The following CHST11 variants were observed in gnomAD, a reference collection of about 807,000 sequenced individuals.
The protein encoded by CHST11 is C4S-1.
Under a neutral mutation model 30.4 loss-of-function variants are expected in CHST11, and 9 were observed. The ratio of observed to expected loss-of-function variants is 0.30; its 90% CI spans 0.18 to 0.52. The LOEUF is 0.52. Ranked by LOEUF, CHST11 falls within the 20% of genes least tolerant of loss-of-function variation. CHST11 has a pLI of 0.97. For synonymous variants in CHST11, 152 were observed against 187.8 expected, an observed-to-expected ratio of 0.81 and a Z score of 1.56; for missense variants, 348 against 460.6, an observed-to-expected ratio of 0.76 and a Z score of 2.24.
chr12:104,707,498 C>CA (rs1412711332), intron 2 of CHST11, among the ~76,000 whole-genome samples: 4 of 152,102 alleles, frequency 2.6e-5, no homozygotes, highest in Admixed American at 2.6e-4. Flanking sequence ...ATGTAGTAGT[C>CA]AAAAAATTTG....
intron 2 of CHST11, among the ~76,000 whole-genome samples, chr12:104,706,295 G>A (rs535794293): frequency 2.6e-5 from 4 of 151,776 alleles, no homozygotes; most frequent in East Asian, 3.9e-4. Context: ...GAGGTAGGAG[G>A]ATTACTTGAA....
intron 2 of CHST11, among the ~76,000 whole-genome samples, chr12:104,738,280 G>C (rs2040318074): frequency 1.3e-5 from 2 of 152,186 alleles, no homozygotes; most frequent in Non-Finnish European, 2.9e-5. Context: ...GAGGTTCGCA[G>C]AGGTGCCCCG....
At chr12:104,573,332 C>T (rs1228272260) in intron 1 of CHST11, among the ~76,000 whole-genome samples, 4 of 152,136 alleles carry the variant, frequency 2.6e-5, no homozygotes, top group Non-Finnish European at 1.5e-5. Context: ...CTACCAATGA[C>T]TTTCTTCACA....
intron 2 of CHST11, among the ~76,000 whole-genome samples, chr12:104,739,224 G>T (rs1592867679): frequency 6.6e-6 from 1 of 152,222 alleles, no homozygotes; most frequent in Non-Finnish European, 1.5e-5. Flanking sequence ...GCTTCAACCA[G>T]GGGAGGCAGG....
At position 104,600,232 on chromosome 12, in the gene CHST11, A is replaced by G. The variant is rs1050061952; in HGVS notation, c.119-1674A>G. On this transcript the variant is annotated intron_variant, in intron 1 of 2. Transcript: ENST00000303694. This position sits in a 1 kb window ranked among gnomAD's most constrained non-coding sequence, Gnocchi z 4.1. Reference sequence around the variant, plus strand: ...GTAGTTTTTCCTCCGGAGACCTTCCAGATGTCATCAGCTGCTTTTGGATGA... The same window carrying G: ...GTAGTTTTTCCTCCGGAGACCTTCCGGATGTCATCAGCTGCTTTTGGATGA... Among the ~76,000 whole-genome samples, 1 of 152,202 alleles carries G rather than the reference A, an allele frequency of 6.6e-6. No individual in the cohort carries two copies. The highest frequency in any genetic ancestry group is 1.5e-5 in the Non-Finnish European group (1 of 68,038).
intron 1 of CHST11, among the ~76,000 whole-genome samples, chr12:104,462,040 G>A (rs1372714605): frequency 6.6e-6 from 1 of 151,216 alleles, no homozygotes; most frequent in African/African-American, 2.4e-5. Context: ...GGTGGTGCAC[G>A]CCTGTAATCC....
At chr12:104,515,410 G>A (rs1255807381) in intron 1 of CHST11, among the ~76,000 whole-genome samples, 3 of 152,194 alleles carry the variant, frequency 2.0e-5, no homozygotes, top group African/African-American at 2.4e-5. Context: ...GGTGAATCGC[G>A]TTCTACACAG....
intron 2 of CHST11, among the ~76,000 whole-genome samples, chr12:104,658,059 C>G (rs2039562607): frequency 6.6e-6 from 1 of 152,206 alleles, no homozygotes; most frequent in African/African-American, 2.4e-5. Context: ...CAAGGATACT[C>G]AGAGTTTTAC....
chr12:104,582,903 C>T (rs1275736359), intron 1 of CHST11, among the ~76,000 whole-genome samples: 1 of 151,806 alleles, frequency 6.6e-6, no homozygotes, highest in Non-Finnish European at 1.5e-5. Context: ...AAGCTCTGAA[C>T]TGGAACTGTT....
At chr12:104,546,392 C>T (rs1017229659) in intron 1 of CHST11, among the ~76,000 whole-genome samples, 3 of 150,570 alleles carry the variant, frequency 2.0e-5, no homozygotes, top group African/African-American at 7.4e-5. Context: ...CGCTTGAGCC[C>T]AGGAGCTCAA....
chr12:104,736,128 A>G (rs1240846671), intron 2 of CHST11, among the ~76,000 whole-genome samples: 1 of 152,158 alleles, frequency 6.6e-6, no homozygotes, highest in Admixed American at 6.5e-5. Context: ...GGGACATTCC[A>G]TGGGCAATGT....
chr12:104,504,350 C>T (rs375238656), intron 1 of CHST11, among the ~76,000 whole-genome samples: 12 of 152,226 alleles, frequency 7.9e-5, no homozygotes, highest in African/African-American at 2.4e-4. Flanking sequence ...TGGACTCAGG[C>T]GCAGTGGCAT....
intron 1 of CHST11, among the ~76,000 whole-genome samples, chr12:104,562,178 G>C (rs574296400): frequency 6.6e-6 from 1 of 152,046 alleles, no homozygotes; most frequent in South Asian, 2.1e-4. Flanking sequence ...TCATCCACCC[G>C]AAATGGAATT....
chr12:104,756,005 A>G (rs1031431837), intron 2 of CHST11, among the ~76,000 whole-genome samples: 1 of 152,204 alleles, frequency 6.6e-6, no homozygotes, highest in African/African-American at 2.4e-5. Context: ...AGGCCAGTGT[A>G]TGAATGGGGG....
chr12:104,582,935 C>A (rs932600136), intron 1 of CHST11, among the ~76,000 whole-genome samples: 6 of 151,950 alleles, frequency 3.9e-5, no homozygotes, highest in African/African-American at 1.4e-4. Flanking sequence ...TGGCTGCTTC[C>A]CCTAGAGACA....
intron 1 of CHST11, among the ~76,000 whole-genome samples, chr12:104,496,711 C>A (rs2037801021): frequency 6.6e-6 from 1 of 151,916 alleles, no homozygotes; most frequent in Non-Finnish European, 1.5e-5. Flanking sequence ...GAGCTCAAGT[C>A]ATAGACTAAT....
chr12:104,547,921 A>G (rs1341605712), intron 1 of CHST11, among the ~76,000 whole-genome samples: 1 of 152,192 alleles, frequency 6.6e-6, no homozygotes, highest in Non-Finnish European at 1.5e-5. Context: ...TGTACACATG[A>G]TGAAGAGTGT....
chr12:104,757,249 A>C lies in CHST11; in HGVS notation c.505A>C (p.Ile169Leu). ...CCTGAAGACCCTGAACCAGTACAGC[A>C]TCCCAGAAATCAACCACCGCTTGAA... ...ANLKTLNQYSIPEINHRLKSY... is the reference protein window; with the variant it reads ...ANLKTLNQYSLPEINHRLKSY... The change falls in exon 3 of 3, where the codon ATC becomes CTC. Residue 169 changes from isoleucine (I) to leucine (L), a missense_variant. Transcript: ENST00000303694. This position sits in a 1 kb window ranked among gnomAD's most constrained non-coding sequence, Gnocchi z 6.5. The C allele has an allele frequency of 6.2e-7, 1 of 1,614,094 alleles. No homozygotes were observed. The highest frequency in any genetic ancestry group is 8.5e-7 in the Non-Finnish European group (1 of 1,180,014).
At chr12:104,731,935 G>A (rs562981539) in intron 2 of CHST11, among the ~76,000 whole-genome samples, 3 of 152,354 alleles carry the variant, frequency 2.0e-5, no homozygotes, top group South Asian at 4.1e-4. Context: ...CCTGCCCCAG[G>A]GGCTGGCAGC....
Sources: allele counts gnomAD v4.1 joint callset (sites outside exome capture counted in the v4.1 genomes callset), GRCh38; gene constraint gnomAD v4.1.1; non-coding constraint Gnocchi (gnomAD v3.1); transcripts MANE v1.5; gene names NCBI Gene and HGNC (gene_info 2026-07-23, HGNC 2026-07-21).